Variants in ANO3 observed in about 807,000 individuals in gnomAD.
ANO3 encodes anoctamin-3.
Under a neutral mutation model 144.8 loss-of-function variants are expected in ANO3, and 99 were observed. The observed-to-expected ratio is 0.68, with a 90% CI of 0.58 to 0.81. The LOEUF is 0.81. ANO3 is among the 30% of genes least tolerant of loss of function. The pLI, the probability that ANO3 is intolerant of heterozygous loss-of-function variation, is 0.00. For missense variants in ANO3, 905 were observed against 1,202.2 expected, an observed-to-expected ratio of 0.75 and a Z score of 3.66; for synonymous variants, 414 against 392.6, an observed-to-expected ratio of 1.05 and a Z score of -0.64.
intron 23 of ANO3, among the ~76,000 whole-genome samples, chr11:26,646,087 C>T (rs1169560767): frequency 6.6e-6 from 1 of 152,132 alleles, no homozygotes; most frequent in African/African-American, 2.4e-5. Context: ...GGAATCAGTG[C>T]TATCAATTTG....
chr11:26,320,931 G>A (rs978604964), intron 1 of ANO3, among the ~76,000 whole-genome samples: 5 of 152,008 alleles, frequency 3.3e-5, no homozygotes, highest in African/African-American at 1.2e-4. Context: ...TATATTTTGA[G>A]TAGTGGCTGA....
At chr11:26,564,770 T>C (rs1590545725) in intron 14 of ANO3, among the ~76,000 whole-genome samples, 1 of 104,484 alleles carries the variant, frequency 9.6e-6, no homozygotes, top group Admixed American at 9.5e-5. Context: ...TATATATATA[T>C]ATATATATAT....
intron 17 of ANO3, among the ~76,000 whole-genome samples, chr11:26,623,059 T>A (rs996247734): frequency 2.0e-5 from 3 of 152,216 alleles, no homozygotes; most frequent in Non-Finnish European, 4.4e-5. Context: ...TGTTCATGAA[T>A]TCACAGTAAT....
chr11:26,403,904 G>C (rs1456786957), intron 1 of ANO3, among the ~76,000 whole-genome samples: 1 of 151,772 alleles, frequency 6.6e-6, no homozygotes, highest in African/African-American at 2.4e-5. Context: ...ATATTTGTGT[G>C]CTTTGCTTCC....
intron 23 of ANO3, among the ~76,000 whole-genome samples, chr11:26,647,253 T>C (rs1052855563): frequency 6.6e-6 from 1 of 152,152 alleles, no homozygotes; most frequent in Non-Finnish European, 1.5e-5. Context: ...ACCACCAGAC[T>C]AGTTTTGCTT....
chr11:26,394,395 C>T (rs1304607171), intron 1 of ANO3, among the ~76,000 whole-genome samples: 1 of 151,748 alleles, frequency 6.6e-6, no homozygotes, highest in African/African-American at 2.4e-5. Flanking sequence ...TTTAGAAAGT[C>T]AGAAAATCCA....
intron 14 of ANO3, among the ~76,000 whole-genome samples, chr11:26,564,781 A>G (rs1850496230): frequency 1.1e-5 from 1 of 94,510 alleles, no homozygotes; most frequent in Non-Finnish European, 2.3e-5. Flanking sequence ...ATATATATAT[A>G]TATAAGTTCA....
intron 17 of ANO3, among the ~76,000 whole-genome samples, chr11:26,612,339 G>A (rs1852123400): frequency 6.6e-6 from 1 of 151,732 alleles, no homozygotes; most frequent in East Asian, 1.9e-4. Flanking sequence ...ATTATTTTAA[G>A]ATTTATTATT....
At chr11:26,428,753 G>A (rs1171852693) in intron 1 of ANO3, among the ~76,000 whole-genome samples, 1 of 151,202 alleles carries the variant, frequency 6.6e-6, no homozygotes, top group African/African-American at 2.4e-5. Context: ...GTGTGTGTGT[G>A]TATGTGTTTA....
intron 1 of ANO3, among the ~76,000 whole-genome samples, chr11:26,411,418 A>G (rs1857428782): frequency 6.6e-6 from 1 of 152,006 alleles, no homozygotes; most frequent in African/African-American, 2.4e-5. Context: ...AATTACCAGT[A>G]ATTAATTTTC....
chr11:26,367,836 G>A (rs1292525848), intron 1 of ANO3, among the ~76,000 whole-genome samples: 4 of 152,110 alleles, frequency 2.6e-5, no homozygotes, highest in African/African-American at 9.7e-5. Context: ...TATGCCACAG[G>A]GAGAAAGCAG....
chr11:26,598,452 G>A lies in ANO3; in HGVS notation c.1530+5G>A, dbSNP rs773654127. ...ATCGAATGGGAAGAAGAGGAGGTAA[G>A]ATGTTAGGATACAAGGAAATAGGGA... On this transcript the variant is annotated splice_donor_5th_base_variant and intron_variant, in intron 15 of 26. Coordinates refer to ENST00000256737, the MANE Select transcript of ANO3 (RefSeq NM_031418.4). 1 of 1,566,958 alleles carries A rather than the reference G, an allele frequency of 6.4e-7. No homozygotes were observed. Among genetic ancestry groups the A allele is most frequent in the Non-Finnish European group, 8.7e-7 (1 of 1,151,750 alleles).
At chr11:26,377,515 C>T (rs924391698) in intron 1 of ANO3, among the ~76,000 whole-genome samples, 1 of 151,904 alleles carries the variant, frequency 6.6e-6, no homozygotes, top group Non-Finnish European at 1.5e-5. Flanking sequence ...CAAAATATAA[C>T]AGAAAACAAT....
At chr11:26,433,111 C>T (rs555106152) in intron 1 of ANO3, among the ~76,000 whole-genome samples, 4 of 152,240 alleles carry the variant, frequency 2.6e-5, no homozygotes, top group African/African-American at 9.6e-5. Context: ...AGAGATCTTT[C>T]ACCTCTCTGG....
intron 1 of ANO3, among the ~76,000 whole-genome samples, chr11:26,211,863 A>G (rs1265950259): frequency 6.6e-6 from 1 of 152,194 alleles, no homozygotes; most frequent in Admixed American, 6.6e-5. Flanking sequence ...CATATACACC[A>G]TGGAATACTA....
At chr11:26,417,333 T>C (rs192982127) in intron 1 of ANO3, among the ~76,000 whole-genome samples, 7 of 152,218 alleles carry the variant, frequency 4.6e-5, no homozygotes, top group Admixed American at 2.0e-4. Context: ...ATCTACAAAA[T>C]GGAATTTCTA....
chr11:26,403,147 A>G (rs550123770), intron 1 of ANO3, among the ~76,000 whole-genome samples: 4 of 151,792 alleles, frequency 2.6e-5, no homozygotes, highest in African/African-American at 9.6e-5. Context: ...GTTTCCCTGT[A>G]TTTTCTGTAA....
rs926529348 is a variant in ANO3 at position 26,443,933 on chromosome 11, G to T, written c.313+97G>T. 6 of 749,448 alleles carry T rather than the reference G, an allele frequency of 8.0e-6. No individual in the cohort carries two copies. In the Admixed American group the frequency reaches 1.5e-4, roughly 19 times the overall value. The allele number at this position is 749,448 out of a possible 1,614,324, so 46.4% of individuals were successfully genotyped here. A position where few individuals can be genotyped will look rare whatever the true frequency, so the allele number is the denominator to read the frequency against. Reference sequence around the variant, plus strand: ...ACTAGCATTTTTTTTTTAAGAAAAAGTTCATGTTTGGTTTTTAACGTAATA... The same window carrying T: ...ACTAGCATTTTTTTTTTAAGAAAAATTTCATGTTTGGTTTTTAACGTAATA... On this transcript the variant is annotated intron_variant, in intron 3 of 26. Transcript: ENST00000256737.
At chr11:26,321,794 A>C (rs890572086) in intron 1 of ANO3, among the ~76,000 whole-genome samples, 2 of 151,948 alleles carry the variant, frequency 1.3e-5, no homozygotes, top group Admixed American at 6.6e-5. Flanking sequence ...AAAATTCCTT[A>C]GTGGTCAGGA....
Sources: gnomAD v4.1 joint callset for allele counts (sites outside exome capture counted in the v4.1 genomes callset) on GRCh38, gnomAD v4.1.1 for gene constraint, MANE v1.5 for transcripts, NCBI Gene and HGNC (gene_info 2026-07-23, HGNC 2026-07-21) for gene names.